PDAP1: variants seen among roughly 807,000 people sequenced by gnomAD.
PDAP1 encodes PDGFA associated protein 1, also known as 28 kDa heat- and acid-stable phosphoprotein.
A neutral mutation model predicts 28.0 loss-of-function variants in PDAP1; 13 were observed. The ratio of observed to expected loss-of-function variants is 0.46; its 90% CI spans 0.30 to 0.74. The LOEUF (loss-of-function observed/expected upper bound fraction) is 0.74, where lower values mean the gene tolerates loss of function less well. PDAP1 is among the 30% of genes least tolerant of loss of function. The pLI is 0.07. For missense variants in PDAP1, 150 were observed against 230.0 expected (o/e 0.65, Z 2.25); for synonymous variants, 77 against 85.1 (o/e 0.91, Z 0.52).
intron 2 of PDAP1, among the ~76,000 whole-genome samples, 159 bp downstream of exon 2, chr7:99,404,703 G>A (rs1476810400): frequency 6.6e-6 from 1 of 152,176 alleles, no homozygotes; most frequent in Non-Finnish European, 1.5e-5. Context: ...GACTGTCATT[G>A]GTTGTTCTGA....
In PDAP1 at chr7:99,405,341, C is replaced by A. The variant is rs544106094; in HGVS notation, c.14-388G>T. Among the ~76,000 whole-genome samples, 8 of 151,598 alleles carry A rather than the reference C, an allele frequency of 5.3e-5. No individual in the cohort carries two copies. The South Asian group carries it at 1.7e-3, about 32-fold the overall frequency. On this transcript the variant is annotated intron_variant, in intron 1 of 5. Coordinates refer to ENST00000350498, the MANE Select transcript of PDAP1 (RefSeq NM_014891.7). ...CTATAAGGGCTTTTTACACGATGTT[C>A]TGTCACAGCCAGGGGCACTTTTTTT...
chr7:99,399,636 C>T (rs28753399), intron 4 of PDAP1, among the ~76,000 whole-genome samples: 11,320 of 152,168 alleles, frequency 0.074, 618 homozygotes, highest in African/African-American at 0.15. Context: ...GCCTTCCCCA[C>T]GAGGCTTTCA....
chr7:99,398,785 G>A (rs1794810252), intron 4 of PDAP1, among the ~76,000 whole-genome samples: 1 of 152,196 alleles, frequency 6.6e-6, no homozygotes, highest in South Asian at 2.1e-4. Flanking sequence ...GTGGGAAACA[G>A]ACACACCCAG....
chr7:99,400,851 T>C (rs750780656), intron 3 of PDAP1, among the ~76,000 whole-genome samples: 1 of 152,076 alleles, frequency 6.6e-6, no homozygotes, highest in Non-Finnish European at 1.5e-5. Flanking sequence ...TCATGACTAA[T>C]TCCAATTCCC....
At chr7:99,398,486 G>C (rs1031167124) in intron 4 of PDAP1, among the ~76,000 whole-genome samples, 1 of 152,376 alleles carries the variant, frequency 6.6e-6, no homozygotes, top group Admixed American at 6.5e-5. Context: ...GAGGCTGTAA[G>C]TTTGAGACCT....
rs765577172 is a variant in PDAP1, at chr7:99,396,673, G to C, written c.*9C>G. 6 of 1,610,000 alleles carry C rather than the reference G, an allele frequency of 3.7e-6. No homozygotes were observed. Among genetic ancestry groups the C allele is most frequent in the Non-Finnish European group, 5.1e-6 (6 of 1,178,066 alleles). Reference sequence around the variant, plus strand: ...CCAGGTCCCCGGCATCTCCTCCCACGGGTCGCAGTTACTTATTCAGGGAGA... The same window carrying C: ...CCAGGTCCCCGGCATCTCCTCCCACCGGTCGCAGTTACTTATTCAGGGAGA... On this transcript the variant is annotated 3_prime_UTR_variant, in exon 6 of 6. Coordinates refer to ENST00000350498, the MANE Select transcript of PDAP1 (RefSeq NM_014891.7).
intron 4 of PDAP1, 135 bp from the exon 5 acceptor site, chr7:99,398,148 T>TCCATGAA (rs1794800392): frequency 2.2e-6 from 2 of 894,746 alleles, no homozygotes; most frequent in South Asian, 3.0e-5. Context: ...AGTCCCTGCC[T>TCCATGAA]CCATGAACCC....
At chr7:99,402,892 A>G (rs557793248) in intron 3 of PDAP1, among the ~76,000 whole-genome samples, 36 of 128,948 alleles carry the variant, frequency 2.8e-4, no homozygotes, top group Non-Finnish European at 4.3e-4. Flanking sequence ...AAAAAAAAAA[A>G]AAAAGAAAAG....
In PDAP1 at chr7:99,400,315, G is replaced by A. The variant is rs1351278417; in HGVS notation, c.323C>T (p.Ser108Leu). The A allele has an allele frequency of 3.7e-6, 6 of 1,613,744 alleles. No individual in the cohort carries two copies. The highest frequency in any genetic ancestry group is 1.7e-5 in the Admixed American group (1 of 60,004). Residue 108 changes from serine to leucine, a missense_variant, in exon 4 of 6, where the codon TCG becomes TTG. Ser to Leu is a moderately radical substitution (Grantham distance 145). Coordinates refer to ENST00000350498, the MANE Select transcript of PDAP1 (RefSeq NM_014891.7). The part of the protein sequence containing the change: ...QLDLDGPKEL[S>L]RREREEIEKQ... ...CCAGTGATGTTACCGTTCTCTCCTC[G>A]AAAGCTCCTTTGGCCCGTCCAGATC...
chr7:99,394,695 A>G lies in PDAP1; in HGVS notation c.*1987T>C, dbSNP rs1794707404. 1 of 1,234,276 alleles carries G rather than the reference A, an allele frequency of 8.1e-7. No homozygotes were observed. The highest frequency in any genetic ancestry group is 1.0e-6 in the Non-Finnish European group (1 of 1,001,932). The allele number at this position is 1,234,276 out of a possible 1,614,324, so 76.5% of individuals were successfully genotyped here. ...GCCTTTTTCTTAAATGCTTTCATTT[A>G]TTGAAAAAAAAAAAAAATGCCCCCA... is the stretch of plus-strand genomic sequence containing the variant. On this transcript the variant is annotated 3_prime_UTR_variant, in exon 6 of 6. Transcript: ENST00000350498.
chr7:99,395,769 T>A lies in PDAP1; in HGVS notation c.*913A>T, dbSNP rs1292621065. ...GGAAGGGTCCCTGCCTGCTGAGGCCTAAGATCCTGACTTGGCTAAAGGAGG... is the reference window on the plus strand; with the variant it reads ...GGAAGGGTCCCTGCCTGCTGAGGCCAAAGATCCTGACTTGGCTAAAGGAGG... On this transcript the variant is annotated 3_prime_UTR_variant, in exon 6 of 6. Transcript: ENST00000350498. 1 of 152,356 alleles carries A rather than the reference T, an allele frequency of 6.6e-6. No individual in the cohort carries two copies. Among genetic ancestry groups the A allele is most frequent in the African/African-American group, 2.4e-5 (1 of 41,454 alleles). The allele number at this position is 152,356 out of a possible 1,614,324, so 9.4% of individuals were successfully genotyped here.
rs575833231 is a variant in PDAP1, at chr7:99,400,547, G to A, written c.214-123C>T. Reference sequence around the variant, plus strand: ...AAACTCCTGCTCCACCCCAGCCCACGTAGTGCTCAGCCCAAGTCTCACAGT... The same window carrying A: ...AAACTCCTGCTCCACCCCAGCCCACATAGTGCTCAGCCCAAGTCTCACAGT... On this transcript the variant is annotated intron_variant, in intron 3 of 5. Transcript: ENST00000350498. 4.0e-5 allele frequency: 43 copies of A among 1,070,902 alleles called. No individual in the cohort carries two copies. The East Asian group carries it at 8.0e-4, about 20-fold the overall frequency. 66.3% of individuals were successfully genotyped at this position (1,070,902 alleles called of 1,614,324 possible).
chr7:99,400,043 G>A (rs1794835534), intron 4 of PDAP1, among the ~76,000 whole-genome samples: 1 of 152,216 alleles, frequency 6.6e-6, no homozygotes, highest in African/African-American at 2.4e-5. Flanking sequence ...AGAGGGGAAT[G>A]GAGGGCAACC....
At chr7:99,402,878 CAAA>C (rs543294031) in intron 3 of PDAP1, among the ~76,000 whole-genome samples, 3 of 72,074 alleles carry the variant, frequency 4.2e-5, no homozygotes, top group Non-Finnish European at 5.9e-5. Flanking sequence ...CACTTCATCT[CAAA>C]AAAAAAAAAA....
At chr7:99,402,889 A>AG (rs1794901448) in intron 3 of PDAP1, among the ~76,000 whole-genome samples, 3 of 131,484 alleles carry the variant, frequency 2.3e-5, no homozygotes, top group African/African-American at 1.2e-4. Flanking sequence ...AAAAAAAAAA[A>AG]AAAAAAAGAA....
At chr7:99,406,729 G>GC in intron 1 of PDAP1, 1 of 482,312 alleles carries the variant, frequency 2.1e-6, no homozygotes, top group Non-Finnish European at 2.7e-6. Flanking sequence ...GTCTGTCTCT[G>GC]TGAGCAGAGA....
At chr7:99,406,132 C>G (rs1794965893) in intron 1 of PDAP1, among the ~76,000 whole-genome samples, 1 of 152,154 alleles carries the variant, frequency 6.6e-6, no homozygotes, top group Non-Finnish European at 1.5e-5. Flanking sequence ...GTTTGTAATC[C>G]CAGCTACTTG....
intron 3 of PDAP1, among the ~76,000 whole-genome samples, chr7:99,402,184 G>A (rs1366455533): frequency 7.3e-6 from 1 of 136,432 alleles, no homozygotes; most frequent in South Asian, 2.3e-4. Flanking sequence ...AGCCGAGATC[G>A]CACCACTGCA....
intron 3 of PDAP1, among the ~76,000 whole-genome samples, chr7:99,401,848 C>T (rs1471889903): frequency 6.6e-6 from 1 of 151,832 alleles, no homozygotes; most frequent in African/African-American, 2.4e-5. Flanking sequence ...AGGCGCCTGC[C>T]ACCACACCTG....
Sources: gnomAD v4.1 joint callset for allele counts (sites outside exome capture counted in the v4.1 genomes callset) on GRCh38, gnomAD v4.1.1 for gene constraint, MANE v1.5 for transcripts, NCBI Gene and HGNC (gene_info 2026-07-23, HGNC 2026-07-21) for gene names.